Variants in MAN1A1 observed in about 807,000 individuals in gnomAD.
MAN1A1 encodes the protein mannosyl-oligosaccharide 1,2-alpha-mannosidase IA.
A neutral mutation model predicts 70.8 loss-of-function variants in MAN1A1; 29 were observed. That is an observed-to-expected ratio of 0.41 (90% CI 0.31 to 0.56). MAN1A1 has a LOEUF of 0.56. Among genes scored for constraint, MAN1A1 ranks in the 20% least tolerant of loss-of-function variants. The pLI is 0.29. For missense variants in MAN1A1, 747 were observed against 841.3 expected (o/e 0.89, Z 1.39); for synonymous variants, 349 against 330.1 (o/e 1.06, Z -0.62).
intron 8 of MAN1A1, among the ~76,000 whole-genome samples, chr6:119,195,023 G>T (rs1773532939): frequency 6.6e-6 from 1 of 151,846 alleles, no homozygotes; most frequent in Non-Finnish European, 1.5e-5. Flanking sequence ...AGTAGAGACG[G>T]GGTTTCACCA....
rs1221327990 is a variant in MAN1A1 at position 119,254,470 on chromosome 6, C to T, written c.898-6116G>A. Among the ~76,000 whole-genome samples the T allele has an allele frequency of 5.3e-5, 8 of 152,274 alleles. No individual in the cohort carries two copies. The East Asian group carries it at 7.7e-4, about 15-fold the overall frequency. ...TACTAAAATGTGACTGGGAAAAAAGCAAGACAAATATCATCTTTTGAAGAT... is the reference window on the plus strand; with the variant it reads ...TACTAAAATGTGACTGGGAAAAAAGTAAGACAAATATCATCTTTTGAAGAT... On this transcript the variant is annotated intron_variant, in intron 5 of 12. Transcript: ENST00000368468.
At position 119,195,034 on chromosome 6, in the gene MAN1A1, T is replaced by C. The variant is rs149155805; in HGVS notation, c.1211-1142A>G. ...TTTTAGTAGAGACGGGGTTTCACCA[T>C]GTTGGCCAGGCTGGTTTTGAACTCC... On this transcript the variant is annotated intron_variant, in intron 8 of 12. Transcript: ENST00000368468. Among the ~76,000 whole-genome samples the C allele has an allele frequency of 2.8e-3, 421 of 152,142 alleles. 2 individuals carry two copies. Among genetic ancestry groups the C allele is most frequent in the African/African-American group, 9.7e-3 (401 of 41,520 alleles).
rs1773349715 is a variant in MAN1A1, at chr6:119,188,401, T to C, written c.1719+4A>G. ...TATAAGAAACATGCAAATTAAAACA[T>C]CACCTCTACGGCTTCCCAGGCCCAT... On this transcript the variant is annotated splice_donor_region_variant and intron_variant, in intron 11 of 12. Coordinates refer to ENST00000368468, the MANE Select transcript of MAN1A1 (RefSeq NM_005907.4). 1.3e-6 allele frequency: 2 copies of C among 1,588,640 alleles called. No homozygotes were observed. The highest frequency in any genetic ancestry group is 3.7e-5 in the Admixed American group (2 of 53,546).
At chr6:119,321,867 C>T (rs1387728718) in intron 2 of MAN1A1, among the ~76,000 whole-genome samples, 1 of 152,138 alleles carries the variant, frequency 6.6e-6, no homozygotes, top group African/African-American at 2.4e-5. Flanking sequence ...GATCCACCCA[C>T]CTCAGCCTCC....
rs375793495 is a variant in MAN1A1, at chr6:119,192,184, C to T, written c.1326+1593G>A. On this transcript the variant is annotated intron_variant, in intron 9 of 12. Coordinates refer to ENST00000368468, the MANE Select transcript of MAN1A1 (RefSeq NM_005907.4). ...TTTTTTTGAACATCAAGATCTTAGA[C>T]GGCCAATTTAAGATTAGAATAATTA... Among the ~76,000 whole-genome samples the T allele has an allele frequency of 1.1e-4, 17 of 152,164 alleles. No individual in the cohort carries two copies. In the East Asian group the frequency reaches 1.2e-3, roughly 10 times the overall value.
chr6:119,222,177 G>C (rs1367404614), intron 6 of MAN1A1, among the ~76,000 whole-genome samples: 3 of 151,982 alleles, frequency 2.0e-5, no homozygotes, highest in South Asian at 2.1e-4. Context: ...GTTCATTTTT[G>C]CTACAGTACT....
At chr6:119,332,699 C>T (rs1773350450) in intron 2 of MAN1A1, among the ~76,000 whole-genome samples, 1 of 151,682 alleles carries the variant, frequency 6.6e-6, no homozygotes, top group African/African-American at 2.4e-5. Context: ...CACCTGTAAT[C>T]CCAGCTACTC....
chr6:119,241,247 T>C (rs1774996060), intron 6 of MAN1A1, among the ~76,000 whole-genome samples: 1 of 152,146 alleles, frequency 6.6e-6, no homozygotes, highest in South Asian at 2.1e-4. Flanking sequence ...AACAAACTGC[T>C]TAGAGTTAAG....
At chr6:119,234,140 T>G (rs1337153036) in intron 6 of MAN1A1, among the ~76,000 whole-genome samples, 3 of 152,166 alleles carry the variant, frequency 2.0e-5, no homozygotes, top group African/African-American at 7.2e-5. Context: ...GATCTCCCAC[T>G]TCAAGATAAA....
chr6:119,183,167 G>T (rs1040890112), intron 11 of MAN1A1, among the ~76,000 whole-genome samples: 1 of 152,182 alleles, frequency 6.6e-6, no homozygotes, highest in Non-Finnish European at 1.5e-5. Context: ...AGAGCAGAGA[G>T]ACTATGAGGA....
At chr6:119,312,734 C>T (rs1018506009) in intron 2 of MAN1A1, among the ~76,000 whole-genome samples, 1 of 152,130 alleles carries the variant, frequency 6.6e-6, no homozygotes, top group Non-Finnish European at 1.5e-5. Context: ...TTAGTTCTCT[C>T]ATCTTTCAAA....
Position 119,187,087 on chromosome 6 carries a change from G to A in MAN1A1, c.1719+1318C>T, listed in dbSNP as rs534475768. The stretch of plus-strand genomic sequence containing the variant: ...AAGCATCCTGTCTACCTGGCAATAC[G>A]AATTTGCTTACTTCCCATTTTTGAT... On this transcript the variant is annotated intron_variant, in intron 11 of 12. Coordinates refer to ENST00000368468, the MANE Select transcript of MAN1A1 (RefSeq NM_005907.4). Among the ~76,000 whole-genome samples the A allele has an allele frequency of 2.2e-4, 34 of 152,262 alleles. No individual in the cohort carries two copies. The South Asian group carries it at 4.8e-3, about 21-fold the overall frequency.
At chr6:119,278,656 G>C (rs1231596985) in intron 5 of MAN1A1, among the ~76,000 whole-genome samples, 2 of 151,916 alleles carry the variant, frequency 1.3e-5, no homozygotes, top group African/African-American at 4.8e-5. Context: ...ATCTTGAAAT[G>C]TGCCCCCCCC....
intron 4 of MAN1A1, among the ~76,000 whole-genome samples, chr6:119,300,053 A>C (rs1034189023): frequency 6.6e-6 from 1 of 152,184 alleles, no homozygotes; most frequent in Non-Finnish European, 1.5e-5. Context: ...GACACTATTC[A>C]TAAGTCAAGT....
chr6:119,251,849 G>A (rs927074265), intron 5 of MAN1A1, among the ~76,000 whole-genome samples: 2 of 152,164 alleles, frequency 1.3e-5, no homozygotes, highest in Non-Finnish European at 2.9e-5. Flanking sequence ...CAGGAACAGC[G>A]GCCCCTTCCC....
At chr6:119,211,839 T>C (rs1032272799) in intron 6 of MAN1A1, among the ~76,000 whole-genome samples, 2 of 147,796 alleles carry the variant, frequency 1.4e-5, no homozygotes, top group South Asian at 2.1e-4. Context: ...GAAATAATAG[T>C]AGGAATTTTT....
intron 2 of MAN1A1, among the ~76,000 whole-genome samples, chr6:119,346,402 G>C (rs1773730525): frequency 6.6e-6 from 1 of 151,822 alleles, no homozygotes; most frequent in African/African-American, 2.4e-5. Context: ...ATTAGCCTTT[G>C]ACTAAACACT....
At chr6:119,241,215 T>C (rs868347667) in intron 6 of MAN1A1, among the ~76,000 whole-genome samples, 8 of 152,134 alleles carry the variant, frequency 5.3e-5, no homozygotes, top group Admixed American at 2.0e-4. Flanking sequence ...CTGCTTGGAA[T>C]TGGCTGCTTT....
intron 5 of MAN1A1, among the ~76,000 whole-genome samples, chr6:119,273,943 A>G (rs1409291992): frequency 6.6e-6 from 1 of 152,216 alleles, no homozygotes; most frequent in Non-Finnish European, 1.5e-5. Context: ...TGGGAATTGC[A>G]ACACCAAGTA....
Sources: gnomAD v4.1 joint callset for allele counts (sites outside exome capture counted in the v4.1 genomes callset) on GRCh38, gnomAD v4.1.1 for gene constraint, MANE v1.5 for transcripts, NCBI Gene and HGNC (gene_info 2026-07-23, HGNC 2026-07-21) for gene names.